STK33: variants seen among roughly 807,000 people sequenced by gnomAD.
STK33 encodes serine/threonine kinase 33.
In STK33, 52 loss-of-function variants were observed where a neutral mutation model predicts 58.0. The ratio of observed to expected loss-of-function variants is 0.90; its 90% CI spans 0.72 to 1.13. The LOEUF (loss-of-function observed/expected upper bound fraction) is 1.13. Among genes scored for constraint, STK33 ranks in the 50% most tolerant of loss-of-function variants. The probability of loss-of-function intolerance (pLI) is 0.00; values close to 1 mark genes in which losing one functional copy is unlikely to be tolerated. For missense variants in STK33, 630 were observed against 604.2 expected, an observed-to-expected ratio of 1.04 and a Z score of -0.45; for synonymous variants, 215 against 200.1, an observed-to-expected ratio of 1.07 and a Z score of -0.63.
downstream of STK33, among the ~76,000 whole-genome samples, chr11:8,389,671 T>C (rs1348973041): frequency 6.6e-6 from 1 of 152,226 alleles, no homozygotes; most frequent in Non-Finnish European, 1.5e-5. Flanking sequence ...TCAAGACTGG[T>C]TGCTTTTGAT....
intron 11 of STK33, among the ~76,000 whole-genome samples, chr11:8,444,566 T>C (rs1013805588): frequency 6.6e-6 from 1 of 152,098 alleles, no homozygotes; most frequent in Admixed American, 6.6e-5. Context: ...GAAACTGTGA[T>C]AAGAGCAGAT....
chr11:8,530,705 T>TATTTC (rs943787105), intron 1 of STK33, among the ~76,000 whole-genome samples: 1 of 152,192 alleles, frequency 6.6e-6, no homozygotes, highest in Non-Finnish European at 1.5e-5. Context: ...TATTTTATTT[T>TATTTC]TTGAGACAGA....
chr11:8,528,734 C>T (rs1302230137), intron 1 of STK33, among the ~76,000 whole-genome samples: 1 of 152,210 alleles, frequency 6.6e-6, no homozygotes, highest in African/African-American at 2.4e-5. Context: ...ATCATGTGCA[C>T]ACGCTTTTCA....
At chr11:8,351,655 G>A in the STK33 span, among the ~76,000 whole-genome samples, 1 of 152,250 alleles carries the variant, frequency 6.6e-6, no homozygotes, top group Admixed American at 6.5e-5. Flanking sequence ...GGCCTTCTCG[G>A]GGCAGGCCCC....
At chr11:8,536,764 GTTGT>G (rs1955033790) in intron 1 of STK33, among the ~76,000 whole-genome samples, 1 of 149,522 alleles carries the variant, frequency 6.7e-6, no homozygotes, top group Non-Finnish European at 1.5e-5. Flanking sequence ...TTTTTTTGTT[GTTGT>G]TTATTTGTTG....
intron 11 of STK33, among the ~76,000 whole-genome samples, chr11:8,444,456 T>C (rs1049814905): frequency 1.3e-5 from 2 of 152,158 alleles, no homozygotes; most frequent in Admixed American, 6.5e-5. Context: ...TTATGTTTTG[T>C]TCACTGTTGT....
intron 14 of STK33, among the ~76,000 whole-genome samples, chr11:8,422,661 G>A (rs1258321967): frequency 2.6e-5 from 4 of 152,062 alleles, no homozygotes; most frequent in African/African-American, 4.8e-5. Context: ...AGACTGTCTT[G>A]TATAACTATA....
intron 1 of STK33, chr11:8,567,231 G>A (rs1333637595): frequency 6.6e-6 from 1 of 152,154 alleles, no homozygotes; most frequent in Non-Finnish European, 1.5e-5. Flanking sequence ...TAACAGTAGA[G>A]ACTCTGGTTC....
chr11:8,486,997 A>G (rs2138454542), intron 1 of STK33, among the ~76,000 whole-genome samples: 1 of 152,336 alleles, frequency 6.6e-6, no homozygotes, highest in South Asian at 2.1e-4. Flanking sequence ...GATCTGGAGT[A>G]AAATAACCAG....
intron 1 of STK33, among the ~76,000 whole-genome samples, chr11:8,589,771 C>T (rs1348901078): frequency 6.6e-6 from 1 of 152,128 alleles, no homozygotes; most frequent in African/African-American, 2.4e-5. Flanking sequence ...AAAATCACTG[C>T]TGGATATTGG....
intron 6 of STK33, among the ~76,000 whole-genome samples, chr11:8,469,875 A>G (rs1948605853): frequency 6.6e-6 from 1 of 152,240 alleles, no homozygotes; most frequent in South Asian, 2.1e-4. Context: ...TTTTGTGAGA[A>G]GTAGGTCTCA....
intron 6 of STK33, among the ~76,000 whole-genome samples, chr11:8,472,022 C>A (rs970191876): frequency 6.6e-6 from 1 of 152,114 alleles, no homozygotes; most frequent in Admixed American, 6.6e-5. Flanking sequence ...AACTTCTGGG[C>A]TCAAGTGATA....
Position 8,507,954 on chromosome 11 carries a change from G to C in STK33, c.-465-27340C>G, listed in dbSNP as rs576304213. On this transcript the variant is annotated intron_variant, in intron 1 of 15. Coordinates refer to ENST00000687296, the MANE Select transcript of STK33 (RefSeq NM_001352389.2). ...CGCCCATGTTGCAGTGCAATGGCAC[G>C]ATCTCGGCTCACTGCAACTTCTGCC... Among the ~76,000 whole-genome samples the C allele has an allele frequency of 5.9e-5, 9 of 152,210 alleles. No homozygotes were observed. In the South Asian group the frequency reaches 1.7e-3, roughly 28 times the overall value.
chr11:8,464,136 G>A (rs1947888648), intron 7 of STK33, among the ~76,000 whole-genome samples: 1 of 152,202 alleles, frequency 6.6e-6, no homozygotes, highest in South Asian at 2.1e-4. Context: ...CAGGTGTAAA[G>A]TCTGAGGTCT....
chr11:8,436,265 G>C, intron 12 of STK33, 126 bp from the exon 13 acceptor site: 1 of 490,452 alleles, frequency 2.0e-6, no homozygotes, highest in Non-Finnish European at 3.5e-6. Flanking sequence ...GGAAGAGATG[G>C]GTACCTCCCT....
the STK33 span, among the ~76,000 whole-genome samples, chr11:8,366,059 CA>C: frequency 1.3e-5 from 2 of 152,236 alleles, no homozygotes; most frequent in Non-Finnish European, 2.9e-5. Context: ...AAAGTCCATA[CA>C]GGAAGACTTT....
intron 15 of STK33, among the ~76,000 whole-genome samples, chr11:8,396,119 T>C (rs112389113): frequency 0.13 from 20,151 of 152,068 alleles, 1,701 homozygotes; most frequent in African/African-American, 0.23. Flanking sequence ...TATATATTTT[T>C]TGAGGTGGAG....
intron 15 of STK33, among the ~76,000 whole-genome samples, chr11:8,399,870 T>A (rs915003913): frequency 2.6e-5 from 4 of 152,120 alleles, no homozygotes; most frequent in South Asian, 2.1e-4. Flanking sequence ...AAAATCTAGA[T>A]GAAATGGATA....
At chr11:8,486,941 T>C (rs1478844809) in intron 1 of STK33, among the ~76,000 whole-genome samples, 1 of 151,928 alleles carries the variant, frequency 6.6e-6, no homozygotes, top group African/African-American at 2.4e-5. Flanking sequence ...AAAACTGAGA[T>C]AGATAGCAGC....
Sources: gnomAD v4.1 joint callset for allele counts (sites outside exome capture counted in the v4.1 genomes callset) on GRCh38, gnomAD v4.1.1 for gene constraint, MANE v1.5 for transcripts, NCBI Gene and HGNC (gene_info 2026-07-23, HGNC 2026-07-21) for gene names.